The following MS4A2 variants were observed in gnomAD, a reference collection of about 807,000 sequenced individuals.
MS4A2 encodes membrane spanning 4-domains A2, also known as high affinity immunoglobulin epsilon receptor subunit beta.
A neutral mutation model predicts 27.9 loss-of-function variants in MS4A2; 26 were observed. The ratio of observed to expected loss-of-function variants is 0.93; its 90% CI spans 0.68 to 1.29. The LOEUF is 1.29. MS4A2 is among the 50% of genes most tolerant of loss of function. The probability of loss-of-function intolerance (pLI) is 0.00; values close to 1 mark genes in which losing one functional copy is unlikely to be tolerated. For missense variants in MS4A2, 284 were observed against 284.6 expected (o/e 1.00, Z 0.01); for synonymous variants, 110 against 98.8 (o/e 1.11, Z -0.67).
chr11:60,091,048 G>A (rs1855750416), intron 3 of MS4A2, among the ~76,000 whole-genome samples: 1 of 152,150 alleles, frequency 6.6e-6, no homozygotes, highest in Non-Finnish European at 1.5e-5. Context: ...CTACTTAAGA[G>A]GCTGAGGCAG....
Position 60,095,549 on chromosome 11 carries a change from C to T in MS4A2, c.637-9C>T. The stretch of plus-strand genomic sequence containing the variant: ...GGTGATTGATATGAAATGATTTTTC[C>T]CTTATCAGGTTCCAGAGGATCGTGT... On this transcript the variant is annotated splice_polypyrimidine_tract_variant and intron_variant, in intron 6 of 6. Transcript: ENST00000278888. 1.9e-6 allele frequency: 3 copies of T among 1,571,704 alleles called. No individual in the cohort carries two copies. Among genetic ancestry groups the T allele is most frequent in the South Asian group, 2.2e-5 (2 of 90,088 alleles).
intron 5 of MS4A2, 157 bp downstream of exon 5, chr11:60,093,715 T>A: frequency 9.0e-7 from 1 of 1,105,174 alleles, no homozygotes; most frequent in Non-Finnish European, 1.4e-6. Flanking sequence ...AGATGCTGGC[T>A]GCCCACTCCC....
chr11:60,092,582 C>T (rs549633), intron 3 of MS4A2, among the ~76,000 whole-genome samples: 11,077 of 152,196 alleles, frequency 0.073, 823 homozygotes, highest in African/African-American at 0.18. Context: ...AGACATGAGC[C>T]ACCACACCCA....
Position 60,095,767 on chromosome 11 carries a change from C to T in MS4A2, c.*111C>T. ...TTCTCTCCACAGCCTGCTGGTTTTACATTAGATTTATTCGCCTGATAAGAA... is the reference window on the plus strand; with the variant it reads ...TTCTCTCCACAGCCTGCTGGTTTTATATTAGATTTATTCGCCTGATAAGAA... On this transcript the variant is annotated 3_prime_UTR_variant, in exon 7 of 7. Transcript: ENST00000278888. 1 of 737,932 alleles carries T rather than the reference C, an allele frequency of 1.4e-6. No homozygotes were observed. The highest frequency in any genetic ancestry group is 1.7e-5 in the African/African-American group (1 of 57,512). 45.7% of individuals were successfully genotyped at this position (737,932 alleles called of 1,614,324 possible).
At chr11:60,093,800 GTT>G in intron 5 of MS4A2, 162 bp from the exon 6 acceptor site, 3 of 707,992 alleles carry the variant, frequency 4.2e-6, no homozygotes, top group Non-Finnish European at 7.2e-6. Context: ...CTGTGCCTGT[GTT>G]TGTGTGTGTG....
Position 60,095,631 on chromosome 11 carries a change from A to G in MS4A2, c.710A>G (p.Glu237Gly), listed in dbSNP as rs569108. The G allele has an allele frequency of 0.036, 57,463 of 1,608,858 alleles. 2,535 individuals are homozygous for G. The highest frequency in any genetic ancestry group is 0.18 in the African/African-American group (13,728 of 74,776). The change falls in exon 7 of 7, where the codon GAA (glutamate) becomes GGA (glycine). Residue 237 changes from glutamate to glycine, a missense_variant. Glu to Gly is a moderately conservative substitution (Grantham distance 98). Coordinates refer to ENST00000278888, the MANE Select transcript of MS4A2 (RefSeq NM_000139.5). ...TACAGTGAGTTGGAAGACCCAGGGG[A>G]AATGTCTCCTCCCATTGATTTATAA... ...ATYSELEDPG[E>G]MSPPIDL
At chr11:60,092,731 A>T in intron 3 of MS4A2, 61 bp from the exon 4 acceptor site, 2 of 1,489,150 alleles carry the variant, frequency 1.3e-6, no homozygotes, top group Non-Finnish European at 1.9e-6. Flanking sequence ...AGATGGGGTT[A>T]AAAAGGACAC....
At chr11:60,089,917 A>C in intron 2 of MS4A2, 96 bp downstream of exon 2, 1 of 1,503,692 alleles carries the variant, frequency 6.7e-7, no homozygotes, top group Non-Finnish European at 9.1e-7. Context: ...GATTCATGAG[A>C]GGTGTTAGGT....
In MS4A2 at chr11:60,089,769, C is replaced by T. The variant is rs1855723290; in HGVS notation, c.134C>T (p.Pro45Leu). ...AGACTATTGAAGTCGGCCTCATCCC[C>T]ACCACTGCATACATGGCTGACAGTT... ...SGRLLKSASS[P>L]PLHTWLTVLK... The change falls in exon 2 of 7, where the codon CCA (proline) becomes CTA (leucine). Residue 45 changes from proline to leucine, a missense_variant. Transcript: ENST00000278888. The T allele has an allele frequency of 6.2e-7, 1 of 1,614,164 alleles. No individual in the cohort carries two copies. The highest frequency in any genetic ancestry group is 8.5e-7 in the Non-Finnish European group (1 of 1,180,016).
chr11:60,088,773 CAG>C lies in MS4A2; in HGVS notation c.10_11del (p.Glu4LysfsTer2), dbSNP rs759604589. On this transcript the variant is annotated frameshift_variant, in exon 1 of 7. Transcript: ENST00000278888. LOFTEE classifies it high-confidence loss of function. ...AGCTCGGTTAATGAAAAAATGGACA[CAG>C]AAAGTAATAGGAGAGCAAATCTTGC... 1.2e-6 allele frequency: 2 copies of C among 1,611,762 alleles called. No individual in the cohort carries two copies. The highest frequency in any genetic ancestry group is 8.5e-7 in the Non-Finnish European group (1 of 1,178,782).
Position 60,095,651 on chromosome 11 carries a change from T to G in MS4A2, c.730T>G (p.Leu244Val). 6.3e-7 allele frequency: 1 copy of G among 1,599,860 alleles called. No individual in the cohort carries two copies. The highest frequency in any genetic ancestry group is 8.6e-7 in the Non-Finnish European group (1 of 1,167,122). Residue 244 changes from leucine to valine, a missense_variant, in exon 7 of 7, where the codon TTA becomes GTA. By Grantham distance (32) the Leu-to-Val change is conservative. Coordinates refer to ENST00000278888, the MANE Select transcript of MS4A2 (RefSeq NM_000139.5). ...AGGGGAAATGTCTCCTCCCATTGAT[T>G]TATAAGAATCACGTGTCCAGAACAC... is the stretch of plus-strand genomic sequence containing the variant. The part of the protein sequence containing the change: ...DPGEMSPPID[L>V]
chr11:60,089,589 T>A (rs1855718191), intron 1 of MS4A2, 103 bp from the exon 2 acceptor site: 5 of 1,462,524 alleles, frequency 3.4e-6, no homozygotes, highest in African/African-American at 1.4e-5. Context: ...AATTACAGGA[T>A]GGCTTTGAAA....
chr11:60,093,805 TG>T (rs1554970782), intron 5 of MS4A2, 158 bp from the exon 6 acceptor site: 4 of 224,626 alleles, frequency 1.8e-5, no homozygotes, highest in Middle Eastern at 1.4e-3. Flanking sequence ...CCTGTGTTTG[TG>T]TGTGTGTGTG....
chr11:60,088,408 C>T (rs1565072997), upstream of MS4A2: 3 of 224,818 alleles, frequency 1.3e-5, no homozygotes, highest in Non-Finnish European at 2.6e-5. Flanking sequence ...ACATCTCTTT[C>T]TTTTCTGCAG....
chr11:60,095,410 T>C, intron 6 of MS4A2, 148 bp from the exon 7 acceptor site: 1 of 669,932 alleles, frequency 1.5e-6, no homozygotes, highest in South Asian at 1.7e-5. Context: ...TGGTTTGGTT[T>C]TCTGGAAATG....
In MS4A2 at chr11:60,097,922, A is replaced by G. The variant is rs746275683; in HGVS notation, c.*2266A>G. The G allele has an allele frequency of 3.3e-5, 5 of 152,196 alleles. No individual in the cohort carries two copies. Among genetic ancestry groups the G allele is most frequent in the Non-Finnish European group, 5.9e-5 (4 of 68,038 alleles). The allele number at this position is 152,196 out of a possible 1,614,324, so 9.4% of individuals were successfully genotyped here. ...TACCCTTTCACTGTGTATCATGCTA[A>G]GCTGCATCTCTACTCTTGATCATCT... On this transcript the variant is annotated 3_prime_UTR_variant, in exon 7 of 7. Transcript: ENST00000278888.
At chr11:60,091,458 A>T (rs1855756924) in intron 3 of MS4A2, among the ~76,000 whole-genome samples, 1 of 152,228 alleles carries the variant, frequency 6.6e-6, no homozygotes, top group Admixed American at 6.5e-5. Context: ...ACATCACCAC[A>T]TTAATACAAT....
At chr11:60,090,607 A>AATTTATAAT in intron 3 of MS4A2, 137 bp downstream of exon 3, 1 of 752,470 alleles carries the variant, frequency 1.3e-6, no homozygotes, top group Non-Finnish European at 2.1e-6. Flanking sequence ...GTGAGCATAT[A>AATTTATAAT]TAACATAGAT....
chr11:60,090,354 G>T lies in MS4A2; in HGVS notation c.205G>T (p.Ala69Ser), dbSNP rs903447906. The T allele has an allele frequency of 1.6e-5, 25 of 1,612,872 alleles. No individual in the cohort carries two copies. Among genetic ancestry groups the T allele is most frequent in the Admixed American group, 1.0e-4 (6 of 60,004 alleles). Reference protein sequence around the residue: ...EFLGVTQILTAMICLCFGTVV... With the variant: ...EFLGVTQILTSMICLCFGTVV... ...TCTATAGGTAACACAAATTCTGACT[G>T]CTATGATATGCCTTTGTTTTGGAAC... Residue 69 changes from alanine (A) to serine (S), a missense_variant, in exon 3 of 7, where the codon GCT becomes TCT. Coordinates refer to ENST00000278888, the MANE Select transcript of MS4A2 (RefSeq NM_000139.5).
Sources: gnomAD v4.1 joint callset for allele counts (sites outside exome capture counted in the v4.1 genomes callset) on GRCh38, gnomAD v4.1.1 for gene constraint, MANE v1.5 for transcripts, NCBI Gene and HGNC (gene_info 2026-07-23, HGNC 2026-07-21) for gene names.